CEND1: variants seen among roughly 807,000 people sequenced by gnomAD.
The protein encoded by CEND1 is cell cycle exit and neuronal differentiation 1.
In CEND1, 1 loss-of-function variant was observed where a neutral mutation model predicts 4.4. The ratio of observed to expected loss-of-function variants is 0.23; its 90% CI spans 0.08 to 1.09. CEND1 has a LOEUF of 1.09. Among genes scored for constraint, CEND1 ranks in the 50% least tolerant of loss-of-function variants. CEND1 has a pLI of 0.55. For synonymous variants in CEND1, 109 were observed against 93.0 expected (o/e 1.17, Z -0.99); for missense variants, 213 against 201.2 (o/e 1.06, Z -0.35).
chr11:788,087 A>G lies in CEND1; in HGVS notation c.*40T>C, dbSNP rs1427282092. 4.8e-6 allele frequency: 7 copies of G among 1,455,932 alleles called. No homozygotes were observed. Among genetic ancestry groups the G allele is most frequent in the Non-Finnish European group, 6.4e-6 (7 of 1,099,062 alleles). 90.2% of individuals were successfully genotyped at this position (1,455,932 alleles called of 1,614,324 possible). A position where few individuals can be genotyped will look rare whatever the true frequency, so the allele number is the denominator to read the frequency against. ...CATGCACTGGCTTCCTCGGGTCTGTACAGGAAGTGGCTCCGTGCCCCCCGC... is the reference window on the plus strand; with the variant it reads ...CATGCACTGGCTTCCTCGGGTCTGTGCAGGAAGTGGCTCCGTGCCCCCCGC... On this transcript the variant is annotated 3_prime_UTR_variant, in exon 2 of 2. Transcript: ENST00000330106.
chr11:789,147 G>A (rs1864404277), intron 1 of CEND1, among the ~76,000 whole-genome samples: 1 of 152,204 alleles, frequency 6.6e-6, no homozygotes, highest in Admixed American at 6.5e-5. Context: ...CAGGGTCCCA[G>A]GGGGAGGAGG....
In CEND1 at chr11:788,441, C is replaced by T; in HGVS notation, c.136G>A (p.Ala46Thr). The part of the protein sequence containing the change: ...LTKPSKKEAP[A>T]EKQQPPAAPT... Reference sequence around the variant, plus strand: ...GCTGCTGGCGGCTGCTGCTTCTCGGCCGGGGCCTCCTTCTTCGAGGGCTTG... The same window carrying T: ...GCTGCTGGCGGCTGCTGCTTCTCGGTCGGGGCCTCCTTCTTCGAGGGCTTG... Residue 46 changes from alanine to threonine, a missense_variant, in exon 2 of 2, where the codon GCC (alanine) becomes ACC (threonine). Transcript: ENST00000330106. The T allele has an allele frequency of 6.3e-7, 1 of 1,578,250 alleles. No individual in the cohort carries two copies. Among genetic ancestry groups the T allele is most frequent in the Non-Finnish European group, 8.6e-7 (1 of 1,159,698 alleles).
At position 788,538 on chromosome 11, in the gene CEND1, G is replaced by T; in HGVS notation, c.39C>A (p.Pro13=). 1.3e-6 allele frequency: 2 copies of T among 1,521,630 alleles called. No homozygotes were observed. The highest frequency in any genetic ancestry group is 1.8e-6 in the Non-Finnish European group (2 of 1,135,960). The allele number at this position is 1,521,630 out of a possible 1,614,324, so 94.3% of individuals were successfully genotyped here. A position where few individuals can be genotyped will look rare whatever the true frequency, so the allele number is the denominator to read the frequency against. ...SRGKSASSPK[P]DTKVPQVTTE... The stretch of plus-strand genomic sequence containing the variant: ...TGGTGACCTGGGGCACCTTGGTGTC[G>T]GGCTTGGGGCTGCTGGCTGACTTCC... Residue 13 remains proline, a synonymous_variant, in exon 2 of 2, where the codon CCC becomes CCA. Transcript: ENST00000330106.
In CEND1 at chr11:788,089, A is replaced by C; in HGVS notation, c.*38T>G. 1 of 1,464,314 alleles carries C rather than the reference A, an allele frequency of 6.8e-7. No homozygotes were observed. Among genetic ancestry groups the C allele is most frequent in the Non-Finnish European group, 9.0e-7 (1 of 1,105,950 alleles). The allele number at this position is 1,464,314 out of a possible 1,614,324, so 90.7% of individuals were successfully genotyped here. ...TGCACTGGCTTCCTCGGGTCTGTAC[A>C]GGAAGTGGCTCCGTGCCCCCCGCCT... On this transcript the variant is annotated 3_prime_UTR_variant, in exon 2 of 2. Transcript: ENST00000330106.
intron 1 of CEND1, among the ~76,000 whole-genome samples, 159 bp downstream of exon 1, chr11:789,871 C>T (rs1864423685): frequency 6.6e-6 from 1 of 152,182 alleles, no homozygotes; most frequent in Non-Finnish European, 1.5e-5. Flanking sequence ...CACTTACATC[C>T]CGGCCGCCGC....
Position 788,110 on chromosome 11 carries a change from C to T in CEND1, c.*17G>A, listed in dbSNP as rs74045128. On this transcript the variant is annotated 3_prime_UTR_variant, in exon 2 of 2. Coordinates refer to ENST00000330106, the MANE Select transcript of CEND1 (RefSeq NM_016564.4). ...GTACAGGAAGTGGCTCCGTGCCCCC[C>T]GCCTGGCCCCCAGGTATTATTTTTT... The T allele has an allele frequency of 3.4e-3, 5,084 of 1,510,940 alleles. 141 individuals are homozygous for T. In the African/African-American group the frequency reaches 0.062, roughly 19 times the overall value. 93.6% of individuals were successfully genotyped at this position (1,510,940 alleles called of 1,614,324 possible). A position where few individuals can be genotyped will look rare whatever the true frequency, so the allele number is the denominator to read the frequency against.
At position 788,032 on chromosome 11, in the gene CEND1, G is replaced by A. The variant is rs369108539; in HGVS notation, c.*95C>T. ...GTATGTAGGTGTGTAATGAATGTGC[G>A]TGTGTACGAATAGGTAAGGGTGAAC... On this transcript the variant is annotated 3_prime_UTR_variant, in exon 2 of 2. Transcript: ENST00000330106. 48 of 966,626 alleles carry A rather than the reference G, an allele frequency of 5.0e-5. No homozygotes were observed. Among genetic ancestry groups the A allele is most frequent in the Middle Eastern group, 2.7e-4 (1 of 3,752 alleles). The allele number at this position is 966,626 out of a possible 1,614,324, so 59.9% of individuals were successfully genotyped here.
In CEND1 at chr11:788,555, C is replaced by A; in HGVS notation, c.22G>T (p.Ala8Ser). 6.6e-7 allele frequency: 1 copy of A among 1,520,104 alleles called. No individual in the cohort carries two copies. Among genetic ancestry groups the A allele is most frequent in the Non-Finnish European group, 8.8e-7 (1 of 1,135,304 alleles). 94.2% of individuals were successfully genotyped at this position (1,520,104 alleles called of 1,614,324 possible). ...TTGGTGTCGGGCTTGGGGCTGCTGG[C>A]TGACTTCCCTCTGGACTCCATGGTG... MESRGKS[A>S]SSPKPDTKVP... The change falls in exon 2 of 2, where the codon GCC becomes TCC. Residue 8 changes from alanine (A) to serine (S), a missense_variant. Transcript: ENST00000330106.
Position 788,280 on chromosome 11 carries a change from G to T in CEND1, c.297C>A (p.Asp99Glu), listed in dbSNP as rs368626757. ...DATPEPKGPG[D>E]GAEEDEAASG... The stretch of plus-strand genomic sequence containing the variant: ...TGGCAGCCTCATCTTCCTCCGCCCC[G>T]TCCCCAGGACCCTTGGGCTCCGGGG... The change falls in exon 2 of 2, where the codon GAC (aspartate) becomes GAA (glutamate). Residue 99 changes from aspartate (D) to glutamate (E), a missense_variant. By Grantham distance (45) the Asp-to-Glu change is conservative. Transcript: ENST00000330106. 1.2e-6 allele frequency: 2 copies of T among 1,612,884 alleles called. No homozygotes were observed. Among genetic ancestry groups the T allele is most frequent in the African/African-American group, 1.3e-5 (1 of 74,902 alleles).
chr11:788,781 C>T, intron 1 of CEND1, 123 bp from the exon 2 acceptor site: 1 of 427,042 alleles, frequency 2.3e-6, no homozygotes, highest in East Asian at 3.4e-5. Flanking sequence ...GCTCAGGGGC[C>T]TCCCGTGGGC....
rs772703559 is a variant in CEND1 at position 788,079 on chromosome 11, G to A, written c.*48C>T. 31 of 1,393,534 alleles carry A rather than the reference G, an allele frequency of 2.2e-5. No homozygotes were observed. The highest frequency in any genetic ancestry group is 2.8e-5 in the Non-Finnish European group (29 of 1,054,420). 86.3% of individuals were successfully genotyped at this position (1,393,534 alleles called of 1,614,324 possible). ...GAACTCTGCATGCACTGGCTTCCTC[G>A]GGTCTGTACAGGAAGTGGCTCCGTG... On this transcript the variant is annotated 3_prime_UTR_variant, in exon 2 of 2. Coordinates refer to ENST00000330106, the MANE Select transcript of CEND1 (RefSeq NM_016564.4).
At position 788,407 on chromosome 11, in the gene CEND1, G is replaced by A. The variant is rs200757879; in HGVS notation, c.170C>T (p.Thr57Met). 2.5e-5 allele frequency: 40 copies of A among 1,590,878 alleles called. No individual in the cohort carries two copies. Among genetic ancestry groups the A allele is most frequent in the African/African-American group, 1.8e-4 (13 of 74,068 alleles). The change falls in exon 2 of 2, where the codon ACG (threonine) becomes ATG (methionine). Residue 57 changes from threonine (T) to methionine (M), a missense_variant. Thr to Met is a moderately conservative substitution (Grantham distance 81). Transcript: ENST00000330106. Reference protein sequence around the residue: ...EKQQPPAAPTTAPAKKTSAKA... With the variant: ...EKQQPPAAPTMAPAKKTSAKA... ...GGCCGAGGTCTTCTTGGCAGGTGCC[G>A]TGGTGGGGGCTGCTGGCGGCTGCTG... is the stretch of plus-strand genomic sequence containing the variant.
Position 788,297 on chromosome 11 carries a change from G to C in CEND1, c.280C>G (p.Pro94Ala). The C allele has an allele frequency of 6.2e-7, 1 of 1,612,486 alleles. No individual in the cohort carries two copies. The highest frequency in any genetic ancestry group is 8.5e-7 in the Non-Finnish European group (1 of 1,179,146). The change falls in exon 2 of 2, where the codon CCC (proline) becomes GCC (alanine). Residue 94 changes from proline to alanine, a missense_variant. Physicochemically the swap from Pro to Ala is conservative, Grantham distance 27. Coordinates refer to ENST00000330106, the MANE Select transcript of CEND1 (RefSeq NM_016564.4). ...VPSSPDATPE[P>A]KGPGDGAEED... The stretch of plus-strand genomic sequence containing the variant: ...TCCGCCCCGTCCCCAGGACCCTTGG[G>C]CTCCGGGGTTGCATCGGGACTGCTG...
rs939454549 is a variant in CEND1 at position 787,846 on chromosome 11, G to C, written c.*281C>G. ...CCAGGGGTGGGGGGGGCCACACACAGGGTCCATTCCTTTCTTGCCGTTCCC... is the reference window on the plus strand; with the variant it reads ...CCAGGGGTGGGGGGGGCCACACACACGGTCCATTCCTTTCTTGCCGTTCCC... On this transcript the variant is annotated 3_prime_UTR_variant, in exon 2 of 2. Transcript: ENST00000330106. 7 of 273,404 alleles carry C rather than the reference G, an allele frequency of 2.6e-5. No homozygotes were observed. Among genetic ancestry groups the C allele is most frequent in the Non-Finnish European group, 4.8e-5 (7 of 147,214 alleles). 16.9% of individuals were successfully genotyped at this position (273,404 alleles called of 1,614,324 possible).
At chr11:789,315 C>T (rs545940735) in intron 1 of CEND1, among the ~76,000 whole-genome samples, 1 of 152,282 alleles carries the variant, frequency 6.6e-6, no homozygotes, top group African/African-American at 2.4e-5. Context: ...GGGCCCCCTC[C>T]TCAGCATGGG....
At chr11:788,729 C>T (rs1864395099) in intron 1 of CEND1, 71 bp from the exon 2 acceptor site, 1 of 611,802 alleles carries the variant, frequency 1.6e-6, no homozygotes, top group Non-Finnish European at 2.5e-6. Context: ...ACCTGGTCCC[C>T]AGGCAGCCCC....
At chr11:788,702 C>G (rs779729019) in intron 1 of CEND1, 44 bp from the exon 2 acceptor site, 3 of 859,162 alleles carry the variant, frequency 3.5e-6, no homozygotes, top group African/African-American at 1.7e-5. Flanking sequence ...TCCAGTCCCC[C>G]CTGTGCTGCC....
At chr11:788,996 C>G (rs1041446163) in intron 1 of CEND1, among the ~76,000 whole-genome samples, 2 of 152,172 alleles carry the variant, frequency 1.3e-5, no homozygotes, top group African/African-American at 4.8e-5. Flanking sequence ...AGGATCAGGC[C>G]CAGAGAACTC....
intron 1 of CEND1, among the ~76,000 whole-genome samples, chr11:789,377 G>A (rs1864409449): frequency 6.6e-6 from 1 of 152,238 alleles, no homozygotes; most frequent in Non-Finnish European, 1.5e-5. Flanking sequence ...GCCCAAGGCT[G>A]TGCTGTCTCT....
Sources: gnomAD v4.1 joint callset for allele counts (sites outside exome capture counted in the v4.1 genomes callset) on GRCh38, gnomAD v4.1.1 for gene constraint, MANE v1.5 for transcripts, NCBI Gene and HGNC (gene_info 2026-07-23, HGNC 2026-07-21) for gene names.